ZNHIT6: variants seen among roughly 807,000 people sequenced by gnomAD.
The protein encoded by ZNHIT6 is box C/D snoRNA protein 1.
In ZNHIT6, 45 loss-of-function variants were observed where a neutral mutation model predicts 57.2. That is an observed-to-expected ratio of 0.79 (90% CI 0.62 to 1.01). ZNHIT6 has a LOEUF of 1.01. ZNHIT6 is among the 50% of genes least tolerant of loss of function. ZNHIT6 has a pLI of 0.00. For synonymous variants in ZNHIT6, 188 were observed against 190.0 expected, an observed-to-expected ratio of 0.99 and a Z score of 0.09; for missense variants, 528 against 567.3, an observed-to-expected ratio of 0.93 and a Z score of 0.70.
chr1:85,687,018 C>T (rs1014148068), intron 5 of ZNHIT6, among the ~76,000 whole-genome samples: 12 of 151,442 alleles, frequency 7.9e-5, no homozygotes, highest in Admixed American at 3.3e-4. Context: ...TCCTGTAATC[C>T]CAGCACTTTG....
intron 8 of ZNHIT6, among the ~76,000 whole-genome samples, chr1:85,665,200 T>TA (rs1271917654): frequency 6.6e-6 from 1 of 152,196 alleles, no homozygotes; most frequent in Non-Finnish European, 1.5e-5. Flanking sequence ...ACACCTCTCC[T>TA]TAATTGGTTC....
At chr1:85,663,423 GGTAAA>G (rs1661278262) in intron 8 of ZNHIT6, among the ~76,000 whole-genome samples, 1 of 151,374 alleles carries the variant, frequency 6.6e-6, no homozygotes, top group Admixed American at 6.6e-5. Flanking sequence ...TTCCTAATCA[GGTAAA>G]GTAGAGAAGA....
At chr1:85,659,056 GAAAA>G (rs1375281473) in intron 8 of ZNHIT6, among the ~76,000 whole-genome samples, 1 of 151,912 alleles carries the variant, frequency 6.6e-6, no homozygotes, top group Non-Finnish European at 1.5e-5. Flanking sequence ...TTGGCTTTTG[GAAAA>G]AAGTCAATTA....
intron 9 of ZNHIT6, among the ~76,000 whole-genome samples, chr1:85,656,492 T>A (rs1661064464): frequency 1.3e-5 from 2 of 152,276 alleles, no homozygotes; most frequent in South Asian, 4.1e-4. Flanking sequence ...GAGCTGTGTG[T>A]GCTGTTTATT....
chr1:85,666,890 G>T (rs947789623), intron 8 of ZNHIT6, among the ~76,000 whole-genome samples: 7 of 152,266 alleles, frequency 4.6e-5, no homozygotes, highest in East Asian at 1.9e-4. Context: ...ATCCTTAAAT[G>T]ATGCTTCCTT....
At chr1:85,664,665 C>G (rs1055779049) in intron 8 of ZNHIT6, among the ~76,000 whole-genome samples, 1 of 152,034 alleles carries the variant, frequency 6.6e-6, no homozygotes, top group Non-Finnish European at 1.5e-5. Context: ...AGAATAACTA[C>G]TGGGTACTAG....
At chr1:85,674,410 C>T (rs1214913296) in intron 8 of ZNHIT6, among the ~76,000 whole-genome samples, 2 of 152,062 alleles carry the variant, frequency 1.3e-5, no homozygotes, top group African/African-American at 2.4e-5. Flanking sequence ...GCTGGGATTA[C>T]AGGCATGAGC....
At chr1:85,691,849 A>G (rs1226181824) in intron 5 of ZNHIT6, among the ~76,000 whole-genome samples, 1 of 152,094 alleles carries the variant, frequency 6.6e-6, no homozygotes, top group East Asian at 1.9e-4. Context: ...TCACGCCACT[A>G]ACTACAGCCT....
intron 8 of ZNHIT6, among the ~76,000 whole-genome samples, chr1:85,674,704 T>C (rs1360499971): frequency 6.6e-6 from 1 of 152,204 alleles, no homozygotes; most frequent in Non-Finnish European, 1.5e-5. Flanking sequence ...TCTTGCCATG[T>C]GCCATATTTT....
intron 5 of ZNHIT6, among the ~76,000 whole-genome samples, chr1:85,696,527 A>G (rs752257493): frequency 1.3e-5 from 2 of 152,122 alleles, no homozygotes; most frequent in Non-Finnish European, 2.9e-5. Context: ...CAGTTTTTAC[A>G]CTACTAAAAA....
At chr1:85,678,819 T>C (rs754618557) in intron 6 of ZNHIT6, 38 bp from the exon 7 acceptor site, 8 of 1,185,718 alleles carry the variant, frequency 6.7e-6, no homozygotes, top group Non-Finnish European at 9.3e-6. Context: ...TATATTAGTA[T>C]TTATAATTTT....
chr1:85,663,951 T>C (rs1218000089), intron 8 of ZNHIT6, among the ~76,000 whole-genome samples: 1 of 149,896 alleles, frequency 6.7e-6, no homozygotes, highest in East Asian at 2.0e-4. Context: ...GTAGGTGACC[T>C]GCCCCTTCTC....
intron 8 of ZNHIT6, among the ~76,000 whole-genome samples, chr1:85,665,193 C>A (rs1661336047): frequency 6.6e-6 from 1 of 152,086 alleles, no homozygotes; most frequent in Non-Finnish European, 1.5e-5. Context: ...CTAGCTAACA[C>A]CTCTCCTTAA....
chr1:85,702,160 T>C lies in ZNHIT6; in HGVS notation c.1016A>G (p.Lys339Arg), dbSNP rs1406664849. ...TACTAAAAAGTTAGAAACTTACTTC[T>C]TATCAAAAAAGGTTGAATTCTCCTT... is the stretch of plus-strand genomic sequence containing the variant. ...KRKENSTFFDKKKQQFCWHVK... is the reference protein window; with the variant it reads ...KRKENSTFFDRKKQQFCWHVK... The change falls in exon 5 of 10, where the codon AAG becomes AGG. Residue 339 changes from lysine to arginine, a missense_variant. Lys to Arg is a conservative substitution (Grantham distance 26). Coordinates refer to ENST00000370574, the MANE Select transcript of ZNHIT6 (RefSeq NM_017953.4). The C allele has an allele frequency of 6.3e-7, 1 of 1,596,514 alleles. No individual in the cohort carries two copies.
rs1399914975 is a variant in ZNHIT6, at chr1:85,652,650, T to C, written c.*1408A>G. 6.6e-6 allele frequency: 1 copy of C among 152,186 alleles called. No homozygotes were observed. Among genetic ancestry groups the C allele is most frequent in the Non-Finnish European group, 1.5e-5 (1 of 68,020 alleles). 9.4% of individuals were successfully genotyped at this position (152,186 alleles called of 1,614,324 possible). ...ACAAATTTATCTTCTGCTCATCTTC[T>C]CATTCTCTTTTCATATTTCAGATCT... On this transcript the variant is annotated 3_prime_UTR_variant, in exon 10 of 10. Coordinates refer to ENST00000370574, the MANE Select transcript of ZNHIT6 (RefSeq NM_017953.4).
At chr1:85,676,336 C>CAAA (rs754000429) in intron 8 of ZNHIT6, among the ~76,000 whole-genome samples, 2 of 54,410 alleles carry the variant, frequency 3.7e-5, no homozygotes, top group South Asian at 5.5e-4. Flanking sequence ...AACTCCGTCT[C>CAAA]AAAAAAAAAA....
intron 8 of ZNHIT6, among the ~76,000 whole-genome samples, chr1:85,659,538 T>C (rs1661168192): frequency 6.6e-6 from 1 of 152,206 alleles, no homozygotes; most frequent in African/African-American, 2.4e-5. Flanking sequence ...AAAAGCACAC[T>C]GGAACACAAG....
intron 8 of ZNHIT6, among the ~76,000 whole-genome samples, chr1:85,673,633 A>C (rs1292410684): frequency 6.6e-6 from 1 of 152,246 alleles, no homozygotes; most frequent in East Asian, 1.9e-4. Context: ...CTGATTTCTA[A>C]GCACTTTTCA....
intron 5 of ZNHIT6, among the ~76,000 whole-genome samples, chr1:85,689,950 T>C (rs1179805406): frequency 6.6e-6 from 1 of 152,108 alleles, no homozygotes; most frequent in Non-Finnish European, 1.5e-5. Flanking sequence ...CAAAAATGAA[T>C]ACCAGCACTA....
Sources: gnomAD v4.1 joint callset for allele counts (sites outside exome capture counted in the v4.1 genomes callset) on GRCh38, gnomAD v4.1.1 for gene constraint, MANE v1.5 for transcripts, NCBI Gene and HGNC (gene_info 2026-07-23, HGNC 2026-07-21) for gene names.